The following SLC8A1 variants were observed in gnomAD, a reference collection of about 807,000 sequenced individuals.
The protein encoded by SLC8A1 is solute carrier family 8 member A1.
SLC8A1 carries 18 observed loss-of-function variants against 68.3 expected under a neutral mutation model. The ratio of observed to expected loss-of-function variants is 0.26; its 90% confidence interval spans 0.18 to 0.39. SLC8A1 has a LOEUF of 0.39. SLC8A1 is among the 10% of genes least tolerant of loss of function. SLC8A1 has a pLI of 1.00. For synonymous variants in SLC8A1, 475 were observed against 415.5 expected, an observed-to-expected ratio of 1.14 and a Z score of -1.74; for missense variants, 985 against 1,156.7, an observed-to-expected ratio of 0.85 and a Z score of 2.15.
At chr2:40,502,812 C>T (rs1001126173) in intron 1 of SLC8A1, among the ~76,000 whole-genome samples, 3 of 151,972 alleles carry the variant, frequency 2.0e-5, no homozygotes, top group Admixed American at 6.6e-5. Flanking sequence ...CTGGTTAGAA[C>T]CCTTACCTCC....
At chr2:40,356,145 C>A (rs1450978055) in intron 2 of SLC8A1, among the ~76,000 whole-genome samples, 1 of 152,166 alleles carries the variant, frequency 6.6e-6, no homozygotes, top group African/African-American at 2.4e-5. Flanking sequence ...GTGTCCTACC[C>A]ACCCCCAGTT....
Position 40,415,133 on chromosome 2 carries a change from C to T in SLC8A1, c.1808+13340G>A, listed in dbSNP as rs114573112. On this transcript the variant is annotated intron_variant, in intron 2 of 7. Coordinates refer to ENST00000406785, the Ensembl canonical transcript of SLC8A1. ...ACAGTATAGTAGTATAGTAGAAGTG[C>T]ACCAACTATTTCTCCAGACTTGAAC... Among the ~76,000 whole-genome samples the T allele has an allele frequency of 4.1e-3, 621 of 152,260 alleles. 1 individual carries two copies. The highest frequency in any genetic ancestry group is 6.8e-3 in the Middle Eastern group (2 of 294).
At chr2:40,481,610 A>T (rs1248708368) in intron 1 of SLC8A1, among the ~76,000 whole-genome samples, 1 of 152,242 alleles carries the variant, frequency 6.6e-6, no homozygotes, top group Non-Finnish European at 1.5e-5. Flanking sequence ...TATACTGAAT[A>T]GAATTATCAT....
intron 1 of SLC8A1, among the ~76,000 whole-genome samples, chr2:40,500,870 G>A (rs1706020891): frequency 8.3e-6 from 1 of 119,788 alleles, no homozygotes; most frequent in Non-Finnish European, 1.6e-5. Context: ...CAGCCAGGAA[G>A]AACTTTTACA....
At chr2:40,299,685 G>C (rs2071073740) in intron 2 of SLC8A1, among the ~76,000 whole-genome samples, 1 of 152,122 alleles carries the variant, frequency 6.6e-6, no homozygotes, top group South Asian at 2.1e-4. Flanking sequence ...ATTGCTCTAT[G>C]CTACACCTGC....
Position 40,108,038 on chromosome 2 carries a change from G to C in SLC8A1, c.*7215C>G, listed in dbSNP as rs530299917. The C allele has an allele frequency of 4.6e-5, 7 of 152,292 alleles. No homozygotes were observed. In the South Asian group the frequency reaches 1.5e-3, roughly 32 times the overall value. 9.4% of individuals were successfully genotyped at this position (152,292 alleles called of 1,614,324 possible). ...TGGGCCTTGTGGTTCATTTGGGCCA[G>C]ACTCAAGCTCAGTATCCCATCTAAT... On this transcript the variant is annotated 3_prime_UTR_variant, in exon 8 of 8. Coordinates refer to ENST00000406785, the Ensembl canonical transcript of SLC8A1.
chr2:40,382,759 T>A (rs900785959), intron 2 of SLC8A1, among the ~76,000 whole-genome samples: 3 of 152,130 alleles, frequency 2.0e-5, no homozygotes, highest in African/African-American at 7.2e-5. Flanking sequence ...GCTTTAATTG[T>A]TCTACTAAAA....
intron 2 of SLC8A1, among the ~76,000 whole-genome samples, chr2:40,266,539 G>A (rs901062310): frequency 3.3e-5 from 5 of 152,152 alleles, no homozygotes; most frequent in Admixed American, 6.6e-5. Flanking sequence ...TAGAATGTTA[G>A]AGGGCTGTGG....
chr2:40,216,709 A>G (rs1318909958), intron 2 of SLC8A1, among the ~76,000 whole-genome samples: 3 of 152,132 alleles, frequency 2.0e-5, no homozygotes, highest in Non-Finnish European at 4.4e-5. Flanking sequence ...ATGGCATGAG[A>G]TGGAATCTCA....
intron 7 of SLC8A1, 115 bp from the exon 11 acceptor site, chr2:40,115,744 C>G (rs575515901): frequency 2.2e-6 from 3 of 1,346,922 alleles, no homozygotes; most frequent in Non-Finnish European, 3.0e-6. Context: ...ACCCAGTGAC[C>G]AAGAAATGGC....
chr2:40,219,807 T>TGGTTAGGGCAAAA (rs1558810172), intron 2 of SLC8A1, among the ~76,000 whole-genome samples: 2 of 60,214 alleles, frequency 3.3e-5, no homozygotes, highest in Admixed American at 1.9e-4. Context: ...AGAGATGTGC[T>TGGTTAGGGCAAAA]TTGTTTGCTA....
At chr2:40,449,156 A>C (rs867653930) in intron 1 of SLC8A1, among the ~76,000 whole-genome samples, 2 of 141,558 alleles carry the variant, frequency 1.4e-5, no homozygotes, top group Middle Eastern at 3.5e-3. Flanking sequence ...ATTAAAAAAA[A>C]AAAACAAAAA....
chr2:40,288,644 G>A (rs2068727820), intron 2 of SLC8A1, among the ~76,000 whole-genome samples: 1 of 151,896 alleles, frequency 6.6e-6, no homozygotes, highest in Non-Finnish European at 1.5e-5. Context: ...TCATGTTGGT[G>A]GCTAGAAATC....
chr2:40,274,051 G>C (rs574897434), intron 2 of SLC8A1, among the ~76,000 whole-genome samples: 14 of 151,294 alleles, frequency 9.3e-5, no homozygotes, highest in Admixed American at 8.6e-4. Flanking sequence ...TTATAAAAAA[G>C]GCATCGAGCA....
chr2:40,178,571 G>C (rs891177711), intron 2 of SLC8A1, 78 bp from the exon 3 acceptor site: 6 of 1,232,342 alleles, frequency 4.9e-6, no homozygotes, highest in Non-Finnish European at 7.0e-6. Context: ...AGGAAAGCAA[G>C]GTTAACCAGC....
intron 2 of SLC8A1, among the ~76,000 whole-genome samples, chr2:40,202,000 A>G (rs956642099): frequency 2.6e-5 from 4 of 151,994 alleles, no homozygotes; most frequent in African/African-American, 9.7e-5. Flanking sequence ...GTGTATATGC[A>G]TGCATGCTGG....
intron 7 of SLC8A1, among the ~76,000 whole-genome samples, chr2:40,138,332 A>T (rs1225163179): frequency 1.3e-5 from 2 of 152,218 alleles, no homozygotes; most frequent in African/African-American, 4.8e-5. Flanking sequence ...TTTAGTAGAA[A>T]ACAAAGTGAC....
chr2:40,173,996 C>T (rs995159998), intron 4 of SLC8A1, among the ~76,000 whole-genome samples: 1 of 152,156 alleles, frequency 6.6e-6, no homozygotes, highest in African/African-American at 2.4e-5. Context: ...GCAATCAACA[C>T]AGGCTGAGTA....
intron 6 of SLC8A1, among the ~76,000 whole-genome samples, chr2:40,154,760 G>C (rs13400484): frequency 0.18 from 27,207 of 151,960 alleles, 2,833 homozygotes; most frequent in African/African-American, 0.27. Flanking sequence ...GAACTCCTGG[G>C]CTCAGGTGAT....
Sources: allele counts gnomAD v4.1 joint callset (sites outside exome capture counted in the v4.1 genomes callset), GRCh38; gene constraint gnomAD v4.1.1; transcripts MANE v1.5; gene names NCBI Gene and HGNC (gene_info 2026-07-23, HGNC 2026-07-21).